Variants in GABRG1 observed in about 807,000 individuals in gnomAD.
GABRG1 encodes the protein gamma-aminobutyric acid receptor subunit gamma-1.
Under a neutral mutation model 49.8 loss-of-function variants are expected in GABRG1, and 49 were observed. The observed-to-expected ratio is 0.98, with a 90% CI of 0.78 to 1.25. The LOEUF is 1.25. Among genes scored for constraint, GABRG1 ranks in the 50% most tolerant of loss-of-function variants. GABRG1 has a pLI of 0.00. For synonymous variants in GABRG1, 232 were observed against 185.1 expected, an observed-to-expected ratio of 1.25 and a Z score of -2.06; for missense variants, 552 against 552.3, an observed-to-expected ratio of 1.00 and a Z score of 0.01.
chr4:46,056,150 TTAAAAAAAAA>T (rs1314972125), intron 7 of GABRG1, among the ~76,000 whole-genome samples: 2 of 46,064 alleles, frequency 4.3e-5, no homozygotes, highest in African/African-American at 1.3e-4. Flanking sequence ...AATAAATAAA[TTAAAAAAAAA>T]AAAAAAAAAA....
At chr4:46,101,311 A>G (rs1455623227) in intron 1 of GABRG1, among the ~76,000 whole-genome samples, 1 of 151,620 alleles carries the variant, frequency 6.6e-6, no homozygotes, top group Non-Finnish European at 1.5e-5. Flanking sequence ...TTTTCCTGGC[A>G]CAACATATAC....
At chr4:46,043,613 T>A (rs565976904) in intron 8 of GABRG1, among the ~76,000 whole-genome samples, 1 of 152,072 alleles carries the variant, frequency 6.6e-6, no homozygotes, top group Non-Finnish European at 1.5e-5. Context: ...TACCCATCTT[T>A]TAGTTTCTCA....
At chr4:46,095,795 A>G (rs1205829474) in intron 2 of GABRG1, among the ~76,000 whole-genome samples, 1 of 151,860 alleles carries the variant, frequency 6.6e-6, no homozygotes, top group African/African-American at 2.4e-5. Flanking sequence ...AGCAAAATAT[A>G]CCAATGATGA....
intron 1 of GABRG1, among the ~76,000 whole-genome samples, chr4:46,101,698 C>T (rs1720383808): frequency 6.6e-6 from 1 of 151,550 alleles, no homozygotes. Context: ...CATTAAGATG[C>T]TTATCACGGT....
intron 1 of GABRG1, among the ~76,000 whole-genome samples, chr4:46,120,444 T>A (rs1286804689): frequency 6.6e-6 from 1 of 151,804 alleles, no homozygotes; most frequent in Non-Finnish European, 1.5e-5. Flanking sequence ...AGAAAGATAC[T>A]GATTGTTTGG....
intron 1 of GABRG1, among the ~76,000 whole-genome samples, chr4:46,115,326 T>C (rs1163413307): frequency 6.6e-6 from 1 of 150,688 alleles, no homozygotes; most frequent in Non-Finnish European, 1.5e-5. Context: ...GAATTATCAG[T>C]TTAGAAATAC....
intron 3 of GABRG1, among the ~76,000 whole-genome samples, chr4:46,077,167 G>A (rs1302928825): frequency 7.1e-6 from 1 of 139,872 alleles, no homozygotes; most frequent in Non-Finnish European, 1.5e-5. Context: ...GGGGGAGGGG[G>A]GAGGGATAGC....
intron 1 of GABRG1, among the ~76,000 whole-genome samples, chr4:46,103,536 A>T (rs1425702634): frequency 6.6e-6 from 1 of 151,480 alleles, no homozygotes; most frequent in Non-Finnish European, 1.5e-5. Flanking sequence ...CCTATTTTTT[A>T]AAAGTGGGGC....
intron 5 of GABRG1, among the ~76,000 whole-genome samples, chr4:46,059,393 C>T (rs1560353059): frequency 6.9e-6 from 1 of 144,044 alleles, no homozygotes; most frequent in Non-Finnish European, 1.5e-5. Flanking sequence ...ACATATTCTC[C>T]TTTTTTTTTT....
chr4:46,065,624 C>T, intron 3 of GABRG1, 40 bp from the exon 4 acceptor site: 2 of 909,916 alleles, frequency 2.2e-6, no homozygotes, highest in Non-Finnish European at 3.4e-6. Context: ...AGTAAAGCTA[C>T]TATTTTAGTT....
chr4:46,073,084 CCTA>C (rs1459376203), intron 3 of GABRG1, among the ~76,000 whole-genome samples: 1 of 151,750 alleles, frequency 6.6e-6, no homozygotes, highest in African/African-American at 2.4e-5. Flanking sequence ...CAAAAACATG[CCTA>C]CTATTTTTGA....
At chr4:46,123,403 A>T (rs1020414535) in intron 1 of GABRG1, among the ~76,000 whole-genome samples, 6 of 152,100 alleles carry the variant, frequency 3.9e-5, no homozygotes, top group Non-Finnish European at 7.4e-5. Flanking sequence ...CATCATACAT[A>T]TCATGCTGTG....
intron 2 of GABRG1, among the ~76,000 whole-genome samples, chr4:46,092,580 G>A (rs1210304488): frequency 6.6e-6 from 1 of 151,794 alleles, no homozygotes. Flanking sequence ...CAATAGAAAG[G>A]TAGTCGATTT....
chr4:46,070,957 A>C (rs1719095570), intron 3 of GABRG1, among the ~76,000 whole-genome samples: 1 of 152,092 alleles, frequency 6.6e-6, no homozygotes, highest in African/African-American at 2.4e-5. Flanking sequence ...ACTGGAATTT[A>C]GCCAAATACA....
chr4:46,116,998 A>T (rs895351337), intron 1 of GABRG1, among the ~76,000 whole-genome samples: 2 of 150,442 alleles, frequency 1.3e-5, no homozygotes, highest in Non-Finnish European at 3.0e-5. Context: ...TCAAGAGGTG[A>T]ATGATATCCC....
chr4:46,061,834 GTTTTC>G (rs1718701733), intron 5 of GABRG1, among the ~76,000 whole-genome samples: 1 of 142,232 alleles, frequency 7.0e-6, no homozygotes, highest in East Asian at 2.1e-4. Flanking sequence ...TTTTGGTTTT[GTTTTC>G]TTTTGTTTTT....
At chr4:46,115,440 A>T (rs893423394) in intron 1 of GABRG1, among the ~76,000 whole-genome samples, 1 of 150,768 alleles carries the variant, frequency 6.6e-6, no homozygotes, top group Non-Finnish European at 1.5e-5. Context: ...ATACCATGGC[A>T]TTAGGGAAAA....
Position 46,041,120 on chromosome 4 carries a change from G to T in GABRG1, c.1266C>A (p.Cys422Ter), listed in dbSNP as rs1050527784. Residue 422 changes from cysteine (C) to a stop codon, truncating the protein, a stop_gained, in exon 9 of 9, where the codon TGC becomes TGA. Transcript: ENST00000295452. LOFTEE classifies it high-confidence loss of function. ...TTCCTTCCCTCCAAGATCCTGTTCT[G>T]CAGTCTTCAAAGCAACAGAAGAAGC... ...CASFFCCFED[C>*]RTGSWREGRI... 1 of 1,613,158 alleles carries T rather than the reference G, an allele frequency of 6.2e-7. No individual in the cohort carries two copies. Among genetic ancestry groups the T allele is most frequent in the Middle Eastern group, 1.7e-4 (1 of 6,058 alleles).
At chr4:46,097,153 G>T (rs533551795) in intron 2 of GABRG1, 48 bp downstream of exon 2, 3 of 1,452,834 alleles carry the variant, frequency 2.1e-6, no homozygotes, top group African/African-American at 1.4e-5. Context: ...TACCAGTAAT[G>T]ATATGTTTAA....
Sources: gnomAD v4.1 joint callset for allele counts (sites outside exome capture counted in the v4.1 genomes callset) on GRCh38, gnomAD v4.1.1 for gene constraint, MANE v1.5 for transcripts, NCBI Gene and HGNC (gene_info 2026-07-23, HGNC 2026-07-21) for gene names.